The following ZNF687 variants were observed in gnomAD, a reference collection of about 807,000 sequenced individuals.
ZNF687 encodes zinc finger protein 687.
Under a neutral mutation model 71.8 loss-of-function variants are expected in ZNF687, and 13 were observed. The ratio of observed to expected loss-of-function variants is 0.18; its 90% confidence interval spans 0.12 to 0.29. ZNF687 has a LOEUF of 0.29. ZNF687 is among the 10% of genes least tolerant of loss of function. The pLI is 1.00. For synonymous variants in ZNF687, 673 were observed against 641.6 expected, an observed-to-expected ratio of 1.05 and a Z score of -0.74; for missense variants, 1,412 against 1,625.6, an observed-to-expected ratio of 0.87 and a Z score of 2.26.
chr1:151,282,311 C>T lies in ZNF687; in HGVS notation c.-102C>T. On this transcript the variant is annotated 5_prime_UTR_variant, in exon 1 of 9. Transcript: ENST00000336715. ...ACCGGAGAGAAGCAGGAAGTAGCGG[C>T]GGCCGCGGGGAGGGCGGCGGTGGCT... 1.0e-6 allele frequency: 1 copy of T among 999,770 alleles called. No individual in the cohort carries two copies. Among genetic ancestry groups the T allele is most frequent in the African/African-American group, 1.7e-5 (1 of 57,848 alleles). The allele number at this position is 999,770 out of a possible 1,614,324, so 61.9% of individuals were successfully genotyped here. A position where few individuals can be genotyped will look rare whatever the true frequency, so the allele number is the denominator to read the frequency against.
intron 1 of ZNF687, chr1:151,283,675 C>T (rs964918031): frequency 3.6e-6 from 1 of 279,080 alleles, no homozygotes; most frequent in African/African-American, 2.3e-5. Context: ...TAGCTCAGGC[C>T]TCTGGTCAGG....
At chr1:151,289,326 G>T in intron 4 of ZNF687, 52 bp from the exon 5 acceptor site, 3 of 1,613,066 alleles carry the variant, frequency 1.9e-6, no homozygotes, top group Non-Finnish European at 2.5e-6. Context: ...GGGCGCAGGA[G>T]GGGAGGGGCT....
In ZNF687 at chr1:151,287,740, T is replaced by C; in HGVS notation, c.1449T>C (p.Ser483=). 6.2e-7 allele frequency: 1 copy of C among 1,613,868 alleles called. No homozygotes were observed. Among genetic ancestry groups the C allele is most frequent in the East Asian group, 2.2e-5 (1 of 44,870 alleles). ...CTTCAAAGACAGCTACTGGGCCAAGTACAGGGGGCGGCACAGTGATATCAC... is the reference window on the plus strand; with the variant it reads ...CTTCAAAGACAGCTACTGGGCCAAGCACAGGGGGCGGCACAGTGATATCAC... ...VQPSKTATGP[S]TGGGTVISRT... is the part of the protein sequence containing the mutation. Residue 483 remains serine (S), a synonymous_variant, in exon 2 of 9, where the codon AGT becomes AGC. Transcript: ENST00000336715. The surrounding 1 kb of genome is among the most constrained non-coding windows in gnomAD (Gnocchi z 5.0).
rs1694141961 is a variant in ZNF687 at position 151,290,018 on chromosome 1, C to G, written c.2964+11C>G. 4 of 1,591,850 alleles carry G rather than the reference C, an allele frequency of 2.5e-6. No individual in the cohort carries two copies. Among genetic ancestry groups the G allele is most frequent in the Non-Finnish European group, 3.4e-6 (4 of 1,166,888 alleles). ...AAGGAGCATGGCAAGGTGAGTGGGC[C>G]CCAAGGGGAGTACCATGGGCTGGGG... On this transcript the variant is annotated intron_variant, in intron 6 of 8. Coordinates refer to ENST00000336715, the MANE Select transcript of ZNF687 (RefSeq NM_020832.3).
At position 151,290,743 on chromosome 1, in the gene ZNF687, C is replaced by T; in HGVS notation, c.3248C>T (p.Ser1083Phe). 1 of 1,609,942 alleles carries T rather than the reference C, an allele frequency of 6.2e-7. No individual in the cohort carries two copies. The highest frequency in any genetic ancestry group is 2.2e-5 in the East Asian group (1 of 44,818). The change falls in exon 9 of 9, where the codon TCT becomes TTT. Residue 1083 changes from serine to phenylalanine, a missense_variant. Physicochemically the swap from Ser to Phe is radical, Grantham distance 155. This residue lies in a region of ZNF687 where 284 missense variants were observed against 359.2 expected (regional missense o/e 0.79). Transcript: ENST00000336715. ...CCAGGTCGGAAACGCCGCCAGTCTT[C>T]TGACTCTTGCAGTGAGGAGCCTGAC... ...QGPGRKRRQS[S>F]DSCSEEPDST...
chr1:151,290,083 C>T (rs1157887852), intron 6 of ZNF687, 39 bp from the exon 7 acceptor site: 1 of 1,612,914 alleles, frequency 6.2e-7, no homozygotes, highest in East Asian at 2.2e-5. Context: ...GGGACGGGGT[C>T]CTGGAGCCTG....
rs1693952383 is a variant in ZNF687 at position 151,286,538 on chromosome 1, A to T, written c.247A>T (p.Ser83Cys). ...GCCACCGCCAGACATTTCTGTAGTCAGTGTCATTGTCAAGAACACTGTGTG... is the reference window on the plus strand; with the variant it reads ...GCCACCGCCAGACATTTCTGTAGTCTGTGTCATTGTCAAGAACACTGTGTG... ...GLPPPDISVV[S>C]VIVKNTVCPE... Residue 83 changes from serine to cysteine, a missense_variant, in exon 2 of 9, where the codon AGT becomes TGT. Physicochemically the swap from Ser to Cys is moderately radical, Grantham distance 112. Coordinates refer to ENST00000336715, the MANE Select transcript of ZNF687 (RefSeq NM_020832.3). The T allele has an allele frequency of 6.2e-7, 1 of 1,614,202 alleles. No homozygotes were observed. The highest frequency in any genetic ancestry group is 8.5e-7 in the Non-Finnish European group (1 of 1,180,022).
In ZNF687 at chr1:151,290,789, G is replaced by A; in HGVS notation, c.3294G>A (p.Lys1098=). ...EEPDSTTPPA[K]SPRGGPGSGG... is the part of the protein sequence containing the mutation. ...CTGACAGCACGACACCGCCAGCCAA[G>A]TCCCCCAGGGGCGGACCTGGATCTG... Residue 1098 remains lysine (K), a synonymous_variant, in exon 9 of 9, where the codon AAG becomes AAA. Coordinates refer to ENST00000336715, the MANE Select transcript of ZNF687 (RefSeq NM_020832.3). 6.2e-7 allele frequency: 1 copy of A among 1,613,778 alleles called. No homozygotes were observed. The highest frequency in any genetic ancestry group is 1.1e-5 in the South Asian group (1 of 91,068).
At position 151,287,305 on chromosome 1, in the gene ZNF687, C is replaced by T. The variant is rs910896537; in HGVS notation, c.1014C>T (p.Ser338=). Residue 338 remains serine (S), a synonymous_variant, in exon 2 of 9, where the codon TCC becomes TCT. Coordinates refer to ENST00000336715, the MANE Select transcript of ZNF687 (RefSeq NM_020832.3). The surrounding 1 kb of genome is among the most constrained non-coding windows in gnomAD (Gnocchi z 5.0). ...TGCGGATCAAGACCATTAAAACATC[C>T]TGCGGGAATATCACAAGGACTGTAA... ...LKVRIKTIKT[S]CGNITRTVTQ... is the part of the protein sequence containing the mutation. 5.0e-6 allele frequency: 8 copies of T among 1,614,200 alleles called. No homozygotes were observed. The East Asian group carries it at 1.8e-4, about 36-fold the overall frequency.
Position 151,288,537 on chromosome 1 carries a change from A to G in ZNF687, c.2125A>G (p.Thr709Ala), listed in dbSNP as rs1329882503. The change falls in exon 3 of 9, where the codon ACC (threonine) becomes GCC (alanine). Residue 709 changes from threonine to alanine, a missense_variant. By Grantham distance (58) the Thr-to-Ala change is moderately conservative. Transcript: ENST00000336715. ...TTAACCCACTCGACAGGTGTGCCCA[A>G]CCTGCCCCATGATGCTCCCCAATCG... ...APGATSNVCP[T>A]CPMMLPNRCS... The G allele has an allele frequency of 2.5e-6, 4 of 1,604,858 alleles. No individual in the cohort carries two copies. The highest frequency in any genetic ancestry group is 2.7e-5 in the African/African-American group (2 of 74,736).
Position 151,287,749 on chromosome 1 carries a change from C to T in ZNF687, c.1458C>T (p.Gly486=), listed in dbSNP as rs766003050. The T allele has an allele frequency of 1.3e-5, 21 of 1,613,742 alleles. No homozygotes were observed. Among genetic ancestry groups the T allele is most frequent in the South Asian group, 4.4e-5 (4 of 91,064 alleles). Residue 486 remains glycine, a synonymous_variant, in exon 2 of 9, where the codon GGC becomes GGT. Transcript: ENST00000336715. The surrounding 1 kb of genome is among the most constrained non-coding windows in gnomAD (Gnocchi z 5.0). Reference sequence around the variant, plus strand: ...CAGCTACTGGGCCAAGTACAGGGGGCGGCACAGTGATATCACGGACCCAGT... The same window carrying T: ...CAGCTACTGGGCCAAGTACAGGGGGTGGCACAGTGATATCACGGACCCAGT... ...SKTATGPSTG[G]GTVISRTQSS... is the part of the protein sequence containing the mutation.
chr1:151,282,370 C>T lies in ZNF687; in HGVS notation c.-43C>T, dbSNP rs1346577651. On this transcript the variant is annotated 5_prime_UTR_variant, in exon 1 of 9. Coordinates refer to ENST00000336715, the MANE Select transcript of ZNF687 (RefSeq NM_020832.3). ...TGGAGCGGGGTAGAGACCGCCGGGTCTCGGCCCGCACCAGGAGCGGAACAA... is the reference window on the plus strand; with the variant it reads ...TGGAGCGGGGTAGAGACCGCCGGGTTTCGGCCCGCACCAGGAGCGGAACAA... 2 of 991,078 alleles carry T rather than the reference C, an allele frequency of 2.0e-6. No homozygotes were observed. The highest frequency in any genetic ancestry group is 5.9e-5 in the Admixed American group (1 of 16,860). 61.4% of individuals were successfully genotyped at this position (991,078 alleles called of 1,614,324 possible).
chr1:151,283,099 C>T, intron 1 of ZNF687: 1 of 985,490 alleles, frequency 1.0e-6, no homozygotes. Flanking sequence ...CTTCGCTTCG[C>T]ACGCCGGTGC....
rs1557774479 is a variant in ZNF687, at chr1:151,290,206, G to A, written c.3049G>A (p.Glu1017Lys). ...SLRRHVRVNH[E>K]GIKRVYPCRY... ...GAGGCGCCATGTCAGAGTTAATCAC[G>A]AGGGCATCAAGCGAGTTTACCCCTG... is the stretch of plus-strand genomic sequence containing the variant. Residue 1017 changes from glutamate (E) to lysine (K), a missense_variant, in exon 7 of 9, where the codon GAG (glutamate) becomes AAG (lysine). Coordinates refer to ENST00000336715, the MANE Select transcript of ZNF687 (RefSeq NM_020832.3). 2 of 1,613,994 alleles carry A rather than the reference G, an allele frequency of 1.2e-6. No individual in the cohort carries two copies. The highest frequency in any genetic ancestry group is 1.7e-6 in the Non-Finnish European group (2 of 1,180,026).
At chr1:151,283,667 G>C in intron 1 of ZNF687, 1 of 242,978 alleles carries the variant, frequency 4.1e-6, no homozygotes, top group Non-Finnish European at 6.6e-6. Context: ...GTGGAAGGTA[G>C]CTCAGGCCTC....
chr1:151,289,174 C>A lies in ZNF687; in HGVS notation c.2374C>A (p.His792Asn). 1 of 1,614,216 alleles carries A rather than the reference C, an allele frequency of 6.2e-7. No homozygotes were observed. Among genetic ancestry groups the A allele is most frequent in the Non-Finnish European group, 8.5e-7 (1 of 1,180,034 alleles). Residue 792 changes from histidine to asparagine, a missense_variant, in exon 4 of 9, where the codon CAC becomes AAC. Physicochemically the swap from His to Asn is moderately conservative, Grantham distance 68. Coordinates refer to ENST00000336715, the MANE Select transcript of ZNF687 (RefSeq NM_020832.3). ...CCAGACGTCGCACTGCGAGGTTTTC[C>A]ACAAGTGCCCCATCTGCCCCATGGC... is the stretch of plus-strand genomic sequence containing the variant. ...HIQTSHCEVFHKCPICPMAFK... is the reference protein window; with the variant it reads ...HIQTSHCEVFNKCPICPMAFK...
chr1:151,287,667 G>A lies in ZNF687; in HGVS notation c.1376G>A (p.Gly459Glu). The A allele has an allele frequency of 6.2e-7, 1 of 1,613,510 alleles. No homozygotes were observed. The highest frequency in any genetic ancestry group is 8.5e-7 in the Non-Finnish European group (1 of 1,179,786). ...AAGGCTGACGGGCGGGCAGGGCTGGGGACTGGGGGACAGAAGGTGAATGGT... is the reference window on the plus strand; with the variant it reads ...AAGGCTGACGGGCGGGCAGGGCTGGAGACTGGGGGACAGAAGGTGAATGGT... ...LPKADGRAGL[G>E]TGGQKVNGAS... Residue 459 changes from glycine to glutamate, a missense_variant, in exon 2 of 9, where the codon GGG (glycine) becomes GAG (glutamate). Coordinates refer to ENST00000336715, the MANE Select transcript of ZNF687 (RefSeq NM_020832.3). This position sits in a 1 kb window ranked among gnomAD's most constrained non-coding sequence, Gnocchi z 5.0.
intron 1 of ZNF687, 47 bp from the exon 2 acceptor site, chr1:151,286,227 TC>T: frequency 6.9e-7 from 1 of 1,439,622 alleles, no homozygotes; most frequent in African/African-American, 1.4e-5. Flanking sequence ...CTCCAGGATC[TC>T]TCTTCTAGAC....
rs1694139725 is a variant in ZNF687 at position 151,289,992 on chromosome 1, G to A, written c.2949G>A (p.Lys983=). Residue 983 remains lysine (K), a synonymous_variant, in exon 6 of 9, where the codon AAG becomes AAA. Transcript: ENST00000336715. ...GTGATGAATACGTGGCCCACATGAA[G>A]AAGGAGCATGGCAAGGTGAGTGGGC... ...PERDEYVAHM[K]KEHGKSVKKF... is the part of the protein sequence containing the mutation. The A allele has an allele frequency of 1.3e-6, 2 of 1,583,486 alleles. No individual in the cohort carries two copies. The highest frequency in any genetic ancestry group is 1.7e-6 in the Non-Finnish European group (2 of 1,162,376).
Sources: gnomAD v4.1 joint callset for allele counts on GRCh38, gnomAD v4.1.1 for gene constraint, gnomAD v4.1.1 regional missense constraint, Gnocchi (gnomAD v3.1) non-coding constraint, MANE v1.5 for transcripts, NCBI Gene and HGNC (gene_info 2026-07-23, HGNC 2026-07-21) for gene names.